DPP10: variants seen among roughly 807,000 people sequenced by gnomAD.
DPP10 encodes the protein inactive dipeptidyl peptidase 10.
Under a neutral mutation model 120.9 loss-of-function variants are expected in DPP10, and 33 were observed. The observed-to-expected ratio is 0.27, with a 90% CI of 0.21 to 0.37. DPP10 has a LOEUF of 0.37. DPP10 is among the 10% of genes least tolerant of loss of function. The pLI, the probability that DPP10 is intolerant of heterozygous loss-of-function variation, is 1.00. For synonymous variants in DPP10, 337 were observed against 326.1 expected, an observed-to-expected ratio of 1.03 and a Z score of -0.36; for missense variants, 816 against 942.8, an observed-to-expected ratio of 0.87 and a Z score of 1.76.
chr2:115,257,368 G>A (rs2059049174), intron 1 of DPP10, among the ~76,000 whole-genome samples: 1 of 152,184 alleles, frequency 6.6e-6, no homozygotes, highest in Admixed American at 6.5e-5. Context: ...CAGTTCTGCA[G>A]GTTGTATAGG....
At chr2:115,680,696 G>T (rs1386757934) in intron 5 of DPP10, among the ~76,000 whole-genome samples, 1 of 151,820 alleles carries the variant, frequency 6.6e-6, no homozygotes, top group Non-Finnish European at 1.5e-5. Context: ...AGACCATAAA[G>T]GAACTAACTT....
At chr2:115,309,806 G>T (rs1027874854) in intron 2 of DPP10, among the ~76,000 whole-genome samples, 3 of 151,986 alleles carry the variant, frequency 2.0e-5, no homozygotes, top group Admixed American at 2.0e-4. Flanking sequence ...TCTAAATTTG[G>T]ACACCTATTT....
At chr2:115,749,008 T>C (rs1559107459) in intron 10 of DPP10, among the ~76,000 whole-genome samples, 4 of 152,146 alleles carry the variant, frequency 2.6e-5, no homozygotes, top group Admixed American at 2.0e-4. Flanking sequence ...ACAGTCTGTA[T>C]TGATTCTGAA....
At chr2:115,705,472 G>A (rs1432304520) in intron 7 of DPP10, among the ~76,000 whole-genome samples, 1 of 151,874 alleles carries the variant, frequency 6.6e-6, no homozygotes, top group Non-Finnish European at 1.5e-5. Flanking sequence ...CTTGGCCTTA[G>A]AGTCCTATTA....
intron 1 of DPP10, among the ~76,000 whole-genome samples, chr2:114,977,105 T>C (rs1444424258): frequency 6.6e-6 from 1 of 152,206 alleles, no homozygotes; most frequent in Admixed American, 6.5e-5. Context: ...TCAGTTTGCT[T>C]TGATAATTTT....
intron 1 of DPP10, among the ~76,000 whole-genome samples, chr2:114,859,885 G>A (rs1689675760): frequency 6.6e-6 from 1 of 152,164 alleles, no homozygotes; most frequent in South Asian, 2.1e-4. Flanking sequence ...GGCTTCTGAA[G>A]CATTAATTAT....
At chr2:115,604,467 T>C (rs2083566478) in intron 5 of DPP10, among the ~76,000 whole-genome samples, 1 of 152,210 alleles carries the variant, frequency 6.6e-6, no homozygotes, top group Non-Finnish European at 1.5e-5. Flanking sequence ...TGGACTATTT[T>C]AGCTCATTCA....
chr2:114,714,326 T>G (rs1295597279), intron 1 of DPP10, among the ~76,000 whole-genome samples: 1 of 152,206 alleles, frequency 6.6e-6, no homozygotes, highest in Non-Finnish European at 1.5e-5. Flanking sequence ...CAAAGCAACA[T>G]TTTATAATTC....
At chr2:115,746,439 A>G (rs1241736484) in intron 10 of DPP10, among the ~76,000 whole-genome samples, 4 of 152,122 alleles carry the variant, frequency 2.6e-5, no homozygotes, top group Admixed American at 2.6e-4. Context: ...TTTGCTGGAG[A>G]TGTGACAGAG....
intron 19 of DPP10, among the ~76,000 whole-genome samples, chr2:115,807,571 A>G (rs1686140883): frequency 1.3e-5 from 2 of 152,170 alleles, no homozygotes; most frequent in Non-Finnish European, 2.9e-5. Flanking sequence ...TAAGGAGACA[A>G]TCTCTGGCTT....
intron 1 of DPP10, among the ~76,000 whole-genome samples, chr2:114,911,512 G>A (rs540465637): frequency 6.6e-6 from 1 of 152,288 alleles, no homozygotes; most frequent in East Asian, 1.9e-4. Context: ...AGGTTCATAA[G>A]CTGGGTATCA....
intron 1 of DPP10, among the ~76,000 whole-genome samples, chr2:115,041,295 G>A (rs934142061): frequency 8.6e-5 from 13 of 152,024 alleles, no homozygotes; most frequent in Non-Finnish European, 1.5e-4. Flanking sequence ...TAAGTTACAC[G>A]ATGATGCAAT....
At chr2:114,666,790 A>G (rs1284391383) in intron 1 of DPP10, among the ~76,000 whole-genome samples, 3 of 152,252 alleles carry the variant, frequency 2.0e-5, no homozygotes, top group African/African-American at 7.2e-5. Context: ...TAGACTAGGA[A>G]TGATGACCTG....
At chr2:114,673,242 C>T (rs1380510063) in intron 1 of DPP10, among the ~76,000 whole-genome samples, 1 of 152,100 alleles carries the variant, frequency 6.6e-6, no homozygotes, top group Non-Finnish European at 1.5e-5. Context: ...TCCTTGCTCC[C>T]TCCATAGTTC....
chr2:114,739,665 A>C (rs1558689477), intron 1 of DPP10, among the ~76,000 whole-genome samples: 2 of 151,950 alleles, frequency 1.3e-5, no homozygotes, highest in East Asian at 3.9e-4. Flanking sequence ...TCACACACAC[A>C]AAAAAAAGAG....
chr2:114,499,654 C>T (rs1682987712), intron 1 of DPP10, among the ~76,000 whole-genome samples: 10 of 151,454 alleles, frequency 6.6e-5, no homozygotes, highest in Admixed American at 6.6e-4. Flanking sequence ...CCACAATTTT[C>T]TTAGTGTCTG....
intron 3 of DPP10, among the ~76,000 whole-genome samples, chr2:115,359,855 A>G (rs2064653916): frequency 1.3e-5 from 2 of 152,070 alleles, no homozygotes. Context: ...GGTTAAAAGG[A>G]CCAGTATTTT....
intron 1 of DPP10, among the ~76,000 whole-genome samples, chr2:115,279,930 T>C (rs750598136): frequency 2.0e-5 from 3 of 151,976 alleles, no homozygotes; most frequent in Non-Finnish European, 4.4e-5. Context: ...CCAAATTGGG[T>C]AGCATTTTTC....
At chr2:115,531,177 G>C (rs1486038164) in intron 5 of DPP10, among the ~76,000 whole-genome samples, 1 of 150,530 alleles carries the variant, frequency 6.6e-6, no homozygotes, top group East Asian at 2.0e-4. Context: ...GAAACAGTGG[G>C]TCTCAATGTA....
Sources: allele counts gnomAD v4.1 joint callset (sites outside exome capture counted in the v4.1 genomes callset), GRCh38; gene constraint gnomAD v4.1.1; transcripts MANE v1.5; gene names NCBI Gene and HGNC (gene_info 2026-07-23, HGNC 2026-07-21).